MS4A2: variants seen among roughly 807,000 people sequenced by gnomAD.
MS4A2 encodes high affinity immunoglobulin epsilon receptor subunit beta.
In MS4A2, 26 loss-of-function variants were observed where a neutral mutation model predicts 27.9. The observed-to-expected ratio is 0.93, with a 90% CI of 0.68 to 1.29. The LOEUF is 1.29. MS4A2 is among the 50% of genes most tolerant of loss of function. MS4A2 has a pLI of 0.00. For missense variants in MS4A2, 284 were observed against 284.6 expected (o/e 1.00, Z 0.01); for synonymous variants, 110 against 98.8 (o/e 1.11, Z -0.67).
intron 1 of MS4A2, 67 bp downstream of exon 1, chr11:60,088,888 T>C: frequency 6.8e-7 from 1 of 1,464,342 alleles, no homozygotes; most frequent in South Asian, 1.2e-5. Context: ...ATAGTCACGG[T>C]GCTTAGGAGA....
At position 60,097,747 on chromosome 11, in the gene MS4A2, C is replaced by T. The variant is rs1024896669; in HGVS notation, c.*2091C>T. 1 of 152,066 alleles carries T rather than the reference C, an allele frequency of 6.6e-6. No homozygotes were observed. The highest frequency in any genetic ancestry group is 2.4e-5 in the African/African-American group (1 of 41,380). 9.4% of individuals were successfully genotyped at this position (152,066 alleles called of 1,614,324 possible). ...AAGGTGACAGGTAGATGTTAATTTC[C>T]CTAGATTGTGAAAGTGATCACGACA... On this transcript the variant is annotated 3_prime_UTR_variant, in exon 7 of 7. Transcript: ENST00000278888.
At chr11:60,090,279 G>A (rs369918772) in intron 2 of MS4A2, 57 bp from the exon 3 acceptor site, 3 of 1,562,076 alleles carry the variant, frequency 1.9e-6, no homozygotes, top group African/African-American at 1.4e-5. Context: ...ATTAAAAAAT[G>A]ATACAATCTC....
intron 5 of MS4A2, 51 bp from the exon 6 acceptor site, chr11:60,093,913 G>A (rs950154933): frequency 1.4e-6 from 2 of 1,421,264 alleles, no homozygotes; most frequent in Non-Finnish European, 2.0e-6. Context: ...TAAACTTTTG[G>A]GGCGAATACC....
intron 4 of MS4A2, among the ~76,000 whole-genome samples, chr11:60,093,097 G>A (rs1167307038): frequency 1.3e-5 from 2 of 152,120 alleles, no homozygotes; most frequent in African/African-American, 4.8e-5. Context: ...TCTAAAAAAA[G>A]TGTCCTCACA....
At chr11:60,095,485 A>G (rs1165221880) in intron 6 of MS4A2, 73 bp from the exon 7 acceptor site, 9 of 884,292 alleles carry the variant, frequency 1.0e-5, no homozygotes, top group Non-Finnish European at 1.2e-5. Context: ...TAGATGAGGT[A>G]AGTCTCTTGA....
intron 2 of MS4A2, 94 bp from the exon 3 acceptor site, chr11:60,090,242 C>A (rs540048276): frequency 6.4e-6 from 8 of 1,245,788 alleles, no homozygotes; most frequent in Non-Finnish European, 9.3e-6. Context: ...AGGACACTAA[C>A]GCAGTTTCTC....
upstream of MS4A2, chr11:60,088,658 T>C (rs1044573363): frequency 1.4e-5 from 22 of 1,544,994 alleles, no homozygotes; most frequent in African/African-American, 2.3e-4. Context: ...ATCAATGTCA[T>C]GAGGTAACCC....
chr11:60,090,202 T>G (rs1855732126), intron 2 of MS4A2, 134 bp from the exon 3 acceptor site: 1 of 928,236 alleles, frequency 1.1e-6, no homozygotes, highest in Non-Finnish European at 1.7e-6. Context: ...CTGGAAAATC[T>G]TACGTGTGGA....
intron 3 of MS4A2, 21 bp downstream of exon 3, chr11:60,090,491 G>T: frequency 1.2e-6 from 2 of 1,609,624 alleles, no homozygotes; most frequent in African/African-American, 1.3e-5. Context: ...ATCTATAATT[G>T]TTTCTGAAAT....
rs1443677295 is a variant in MS4A2 at position 60,089,808 on chromosome 11, A to AG, written c.175dup (p.Glu59GlyfsTer26). The AG allele has an allele frequency of 6.2e-7, 1 of 1,613,996 alleles. No homozygotes were observed. Among genetic ancestry groups the AG allele is most frequent in the African/African-American group, 1.3e-5 (1 of 74,928 alleles). ...TGGCTGACAGTTTTGAAAAAAGAGC[A>AG]GGAGTTCCTGGGGGTGAGTGAGCCT... is the stretch of plus-strand genomic sequence containing the variant. On this transcript the variant is annotated frameshift_variant, in exon 2 of 7. Transcript: ENST00000278888. LOFTEE classifies it high-confidence loss of function.
At chr11:60,089,630 G>T (rs775595719) in intron 1 of MS4A2, 62 bp from the exon 2 acceptor site, 1 of 1,605,260 alleles carries the variant, frequency 6.2e-7, no homozygotes, top group Non-Finnish European at 8.5e-7. Context: ...TCTGTCTGTC[G>T]AGAATGTTGC....
rs1347789988 is a variant in MS4A2 at position 60,095,614 on chromosome 11, G to T, written c.693G>T (p.Glu231Asp). 1 of 1,612,892 alleles carries T rather than the reference G, an allele frequency of 6.2e-7. No individual in the cohort carries two copies. Among genetic ancestry groups the T allele is most frequent in the African/African-American group, 1.3e-5 (1 of 75,012 alleles). ...ELNIYSATYS[E>D]LEDPGEMSPP... ...ACATATATTCAGCTACTTACAGTGA[G>T]TTGGAAGACCCAGGGGAAATGTCTC... Residue 231 changes from glutamate (E) to aspartate (D), a missense_variant, in exon 7 of 7, where the codon GAG (glutamate) becomes GAT (aspartate). Physicochemically the swap from Glu to Asp is conservative, Grantham distance 45 (BLOSUM62 2). Transcript: ENST00000278888.
intron 5 of MS4A2, 155 bp downstream of exon 5, chr11:60,093,713 G>A: frequency 8.9e-7 from 1 of 1,117,868 alleles, no homozygotes; most frequent in Non-Finnish European, 1.3e-6. Context: ...GGAGATGCTG[G>A]CTGCCCACTC....
At chr11:60,093,310 C>G in intron 4 of MS4A2, 90 bp from the exon 5 acceptor site, 1 of 1,540,126 alleles carries the variant, frequency 6.5e-7, no homozygotes, top group East Asian at 2.3e-5. Flanking sequence ...GTGGAATTTA[C>G]TGGATGCATC....
rs556811138 is a variant in MS4A2, at chr11:60,098,129, C to T, written c.*2473C>T. On this transcript the variant is annotated 3_prime_UTR_variant, in exon 7 of 7. Coordinates refer to ENST00000278888, the MANE Select transcript of MS4A2 (RefSeq NM_000139.5). ...TTGACTACATATTTCTTATACACAA[C>T]ACACAATTTATGAATTTTTTCTCAA... The T allele has an allele frequency of 3.3e-5, 5 of 152,296 alleles. 1 individual carries two copies. Among genetic ancestry groups the T allele is most frequent in the African/African-American group, 9.6e-5 (4 of 41,552 alleles). 9.4% of individuals were successfully genotyped at this position (152,296 alleles called of 1,614,324 possible).
rs769512102 is a variant in MS4A2 at position 60,088,809 on chromosome 11, A to G, written c.44A>G (p.Gln15Arg). The change falls in exon 1 of 7, where the codon CAG becomes CGG. Residue 15 changes from glutamine to arginine, a missense_variant. Physicochemically the swap from Gln to Arg is conservative, Grantham distance 43 (BLOSUM62 1). Coordinates refer to ENST00000278888, the MANE Select transcript of MS4A2 (RefSeq NM_000139.5). ...SNRRANLALP[Q>R]EPSSVPAFEV... ...AGGAGAGCAAATCTTGCTCTCCCACAGGAGCCTTCCAGGTAGGTACAAGGT... is the reference window on the plus strand; with the variant it reads ...AGGAGAGCAAATCTTGCTCTCCCACGGGAGCCTTCCAGGTAGGTACAAGGT... 8 of 1,611,330 alleles carry G rather than the reference A, an allele frequency of 5.0e-6. No individual in the cohort carries two copies. The Admixed American group carries it at 1.2e-4, about 24-fold the overall frequency.
intron 1 of MS4A2, among the ~76,000 whole-genome samples, chr11:60,089,194 T>A (rs1307094467): frequency 2.1e-5 from 3 of 146,126 alleles, no homozygotes; most frequent in Non-Finnish European, 2.9e-5. Flanking sequence ...GCTTCTTGAT[T>A]GGTCTTTATA....
In MS4A2 at chr11:60,093,567, T is replaced by A. The variant is rs1855810059; in HGVS notation, c.537+9T>A. On this transcript the variant is annotated intron_variant, in intron 5 of 6. Transcript: ENST00000278888. ...TGGCTTCCTTTTCCACTGTATGTAT[T>A]TTTTTTTGTGTGGGAAGACTAAGAT... The A allele has an allele frequency of 4.3e-6, 7 of 1,613,068 alleles. No homozygotes were observed. Among genetic ancestry groups the A allele is most frequent in the Non-Finnish European group, 5.9e-6 (7 of 1,179,154 alleles).
chr11:60,091,935 AT>A (rs1855766727), intron 3 of MS4A2, among the ~76,000 whole-genome samples: 1 of 152,244 alleles, frequency 6.6e-6, no homozygotes, highest in South Asian at 2.1e-4. Context: ...ATTGACTTAT[AT>A]TTATATCAAA....
Sources: gnomAD v4.1 joint callset for allele counts (sites outside exome capture counted in the v4.1 genomes callset) on GRCh38, gnomAD v4.1.1 for gene constraint, MANE v1.5 for transcripts, NCBI Gene and HGNC (gene_info 2026-07-23, HGNC 2026-07-21) for gene names.